The following PARN variants were observed in gnomAD, a reference collection of about 807,000 sequenced individuals.
PARN encodes poly(A)-specific ribonuclease PARN.
PARN carries 71 observed loss-of-function variants against 102.8 expected under a neutral mutation model. The observed-to-expected ratio is 0.69, with a 90% CI of 0.57 to 0.84. PARN has a LOEUF of 0.84. PARN is among the 40% of genes least tolerant of loss of function. PARN has a pLI of 0.00. For missense variants in PARN, 782 were observed against 760.9 expected, an observed-to-expected ratio of 1.03 and a Z score of -0.33; for synonymous variants, 261 against 252.9, an observed-to-expected ratio of 1.03 and a Z score of -0.30.
intron 11 of PARN, among the ~76,000 whole-genome samples, chr16:14,602,992 G>A (rs973530095): frequency 6.6e-6 from 1 of 151,914 alleles, no homozygotes; most frequent in African/African-American, 2.4e-5. Context: ...TCAACTCACT[G>A]CAACTGCAAC....
intron 5 of PARN, 32 bp from the exon 6 acceptor site, chr16:14,617,682 G>C: frequency 7.3e-7 from 1 of 1,362,734 alleles, no homozygotes; most frequent in Non-Finnish European, 1.1e-6. Flanking sequence ...ACATGTTTTG[G>C]GGATGTTAGC....
chr16:14,619,641 G>T (rs1486660646), intron 5 of PARN, among the ~76,000 whole-genome samples: 1 of 151,548 alleles, frequency 6.6e-6, no homozygotes, highest in South Asian at 2.1e-4. Context: ...CCCATCTGTA[G>T]TCCCAACTAT....
intron 21 of PARN, among the ~76,000 whole-genome samples, chr16:14,483,939 C>A (rs117272370): frequency 0.019 from 2,835 of 152,322 alleles, 46 homozygotes; most frequent in Middle Eastern, 0.051. Context: ...GTGCATCCAT[C>A]AGCTGAGCAG....
At chr16:14,578,874 TC>T (rs1392963841) in intron 18 of PARN, among the ~76,000 whole-genome samples, 10 of 152,188 alleles carry the variant, frequency 6.6e-5, no homozygotes, top group African/African-American at 2.4e-4. Context: ...TGGACAGATG[TC>T]CCAATTCAAA....
At chr16:14,490,177 T>A (rs576916495) in intron 21 of PARN, among the ~76,000 whole-genome samples, 20 of 152,184 alleles carry the variant, frequency 1.3e-4, no homozygotes, top group Non-Finnish European at 2.2e-4. Flanking sequence ...AATAAATAAA[T>A]AAAAATAAAA....
chr16:14,459,698 A>G (rs1449008191), intron 22 of PARN, among the ~76,000 whole-genome samples: 1 of 152,198 alleles, frequency 6.6e-6, no homozygotes, highest in Non-Finnish European at 1.5e-5. Flanking sequence ...AATAGAATAA[A>G]CTTTTATATA....
chr16:14,534,833 A>AT (rs553597929), intron 21 of PARN, among the ~76,000 whole-genome samples: 26,379 of 142,214 alleles, frequency 0.19, 2,709 homozygotes, highest in Middle Eastern at 0.28. Flanking sequence ...TCATTTCTAA[A>AT]TTTTTTTTTT....
chr16:14,628,174 T>A lies in PARN; in HGVS notation c.175A>T (p.Lys59Ter). The change falls in exon 3 of 24, where the codon AAG becomes TAG. Residue 59 changes from lysine (K) to a stop codon, truncating the protein, a stop_gained and splice_region_variant. Transcript: ENST00000437198. LOFTEE classifies it high-confidence loss of function. ...TPEERYQKLKKHSMDFLLFQF... is the reference protein window; with the variant it reads ...TPEERYQKLK ...GATTTCCTAGCACATCCACTTGCCT[T>A]TTTAAGCTTCTGATACCTCTCTTCT... 2.5e-6 allele frequency: 4 copies of A among 1,575,606 alleles called. No homozygotes were observed. Among genetic ancestry groups the A allele is most frequent in the Non-Finnish European group, 2.6e-6 (3 of 1,146,534 alleles).
intron 20 of PARN, among the ~76,000 whole-genome samples, chr16:14,553,651 A>ATACACGTATCACAAATCCTGATC (rs1343545605): frequency 6.6e-6 from 1 of 152,248 alleles, no homozygotes; most frequent in Non-Finnish European, 1.5e-5. Context: ...GCCCTACCTC[A>ATACACGTATCACAAATCCTGATC]TACACGTATC....
At chr16:14,551,266 GTTTA>G (rs1001125874) in intron 21 of PARN, among the ~76,000 whole-genome samples, 9 of 150,696 alleles carry the variant, frequency 6.0e-5, no homozygotes, top group African/African-American at 2.4e-5. Flanking sequence ...AAAATATTCA[GTTTA>G]TTTGTTTGTA....
chr16:14,522,411 T>C (rs1032625337), intron 21 of PARN, among the ~76,000 whole-genome samples: 1 of 152,188 alleles, frequency 6.6e-6, no homozygotes, highest in Non-Finnish European at 1.5e-5. Flanking sequence ...CATGGTGGTA[T>C]ACACCTGAAA....
chr16:14,620,744 AAAG>A, intron 5 of PARN, among the ~76,000 whole-genome samples: 2 of 151,976 alleles, frequency 1.3e-5, no homozygotes, highest in East Asian at 3.8e-4. Flanking sequence ...TATTCTGGGG[AAAG>A]CTATACTAAT....
At chr16:14,524,372 C>T (rs1221506952) in intron 21 of PARN, among the ~76,000 whole-genome samples, 2 of 152,202 alleles carry the variant, frequency 1.3e-5, no homozygotes, top group Non-Finnish European at 2.9e-5. Flanking sequence ...GTACACCTTC[C>T]TGTCCAAACA....
At chr16:14,603,711 G>A (rs773080136) in intron 11 of PARN, among the ~76,000 whole-genome samples, 4 of 152,150 alleles carry the variant, frequency 2.6e-5, no homozygotes, top group African/African-American at 7.2e-5. Context: ...TTACTCACTC[G>A]AAACCATTCT....
chr16:14,585,294 T>C (rs1471918240), intron 14 of PARN, among the ~76,000 whole-genome samples: 1 of 152,110 alleles, frequency 6.6e-6, no homozygotes, highest in African/African-American at 2.4e-5. Flanking sequence ...TTCTTATTAT[T>C]CTATTTCAGA....
In PARN at chr16:14,586,302, C is replaced by G. The variant is rs1424080800; in HGVS notation, c.962+16G>C. On this transcript the variant is annotated intron_variant, in intron 14 of 23. Transcript: ENST00000437198. ...AACTTTTTTAAAAGAAAGACAAATC[C>G]TCAAAGAAAGCTTACCTGGGGAAAA... is the stretch of plus-strand genomic sequence containing the variant. 5 of 1,517,200 alleles carry G rather than the reference C, an allele frequency of 3.3e-6. No individual in the cohort carries two copies. The highest frequency in any genetic ancestry group is 1.9e-5 in the Admixed American group (1 of 51,504). 94.0% of individuals were successfully genotyped at this position (1,517,200 alleles called of 1,614,324 possible). A position where few individuals can be genotyped will look rare whatever the true frequency, so the allele number is the denominator to read the frequency against.
At chr16:14,621,341 T>G (rs1055949428) in intron 5 of PARN, among the ~76,000 whole-genome samples, 2 of 152,238 alleles carry the variant, frequency 1.3e-5, no homozygotes, top group African/African-American at 4.8e-5. Context: ...TTTATCCCAC[T>G]GAATTCAAAG....
intron 5 of PARN, among the ~76,000 whole-genome samples, chr16:14,624,775 G>A (rs1411143724): frequency 3.9e-5 from 6 of 152,098 alleles, no homozygotes; most frequent in South Asian, 2.1e-4. Context: ...AAAATTAGCC[G>A]GTGTGGTGGT....
At chr16:14,582,331 C>T (rs1311324929) in intron 16 of PARN, 40 bp from the exon 17 acceptor site, 33 of 1,310,382 alleles carry the variant, frequency 2.5e-5, no homozygotes, top group Non-Finnish European at 4.4e-6. Flanking sequence ...AAAACAAAGA[C>T]TAGTAAGCAC....
Sources: gnomAD v4.1 joint callset for allele counts (sites outside exome capture counted in the v4.1 genomes callset) on GRCh38, gnomAD v4.1.1 for gene constraint, MANE v1.5 for transcripts, NCBI Gene and HGNC (gene_info 2026-07-23, HGNC 2026-07-21) for gene names.